The following ADAMTS12 variants were observed in gnomAD, a reference collection of about 807,000 sequenced individuals.
The protein encoded by ADAMTS12 is A disintegrin and metalloproteinase with thrombospondin motifs 12.
In ADAMTS12, 118 loss-of-function variants were observed where a neutral mutation model predicts 167.8. The observed-to-expected ratio is 0.70, with a 90% confidence interval of 0.61 to 0.82. The LOEUF (loss-of-function observed/expected upper bound fraction) is 0.82, where lower values mean the gene tolerates loss of function less well. Among genes scored for constraint, ADAMTS12 ranks in the 40% least tolerant of loss-of-function variants. The probability of loss-of-function intolerance (pLI) is 0.00; values close to 1 mark genes in which losing one functional copy is unlikely to be tolerated. For missense variants in ADAMTS12, 1,916 were observed against 1,998.8 expected (o/e 0.96, Z 0.79); for synonymous variants, 704 against 716.9 (o/e 0.98, Z 0.29).
chr5:33,640,340 T>G (rs757088325), intron 11 of ADAMTS12, among the ~76,000 whole-genome samples: 4 of 152,212 alleles, frequency 2.6e-5, no homozygotes, highest in Non-Finnish European at 5.9e-5. Context: ...AGGTTAGAGA[T>G]TCATCCTTCA....
chr5:33,570,226 G>A (rs1364896525), intron 19 of ADAMTS12, among the ~76,000 whole-genome samples: 2 of 152,074 alleles, frequency 1.3e-5, no homozygotes, highest in Non-Finnish European at 2.9e-5. Flanking sequence ...CCAACAATCA[G>A]ATTCAGGAAA....
intron 2 of ADAMTS12, among the ~76,000 whole-genome samples, chr5:33,779,805 A>C (rs1746054117): frequency 6.6e-6 from 1 of 152,168 alleles, no homozygotes. Flanking sequence ...GTTGTCACCA[A>C]AGGCTGGAGG....
At chr5:33,563,055 T>C (rs1032677559) in intron 19 of ADAMTS12, among the ~76,000 whole-genome samples, 2 of 152,210 alleles carry the variant, frequency 1.3e-5, no homozygotes, top group Non-Finnish European at 2.9e-5. Flanking sequence ...GTAGAAATTA[T>C]TTTCTACTAC....
rs924431025 is a variant in ADAMTS12, at chr5:33,571,384, A to G, written c.3972+4670T>C. The stretch of plus-strand genomic sequence containing the variant: ...CAGCAAATGTAAAAGAACAGAAATT[A>G]TAACAAACTGTCTCTCAGACCACAG... On this transcript the variant is annotated intron_variant, in intron 19 of 23. Coordinates refer to ENST00000504830, the MANE Select transcript of ADAMTS12 (RefSeq NM_030955.4). 3.9e-5 allele frequency among the ~76,000 whole-genome samples: 6 copies of G among 152,276 alleles called. No individual in the cohort carries two copies. The East Asian group carries it at 9.6e-4, about 24-fold the overall frequency.
At chr5:33,625,105 T>C (rs1407138776) in intron 13 of ADAMTS12, among the ~76,000 whole-genome samples, 4 of 152,166 alleles carry the variant, frequency 2.6e-5, no homozygotes, top group African/African-American at 4.8e-5. Flanking sequence ...CTCAGCCTTC[T>C]GAGTAGCTGG....
Position 33,646,727 on chromosome 5 carries a change from C to T in ADAMTS12, c.1479+2095G>A, listed in dbSNP as rs536437694. Among the ~76,000 whole-genome samples the T allele has an allele frequency of 8.0e-5, 9 of 112,452 alleles. No homozygotes were observed. The East Asian group carries it at 9.1e-4, about 11-fold the overall frequency. The allele number at this position is 112,452 out of a possible 152,430, so 73.8% of individuals were successfully genotyped here. A position where few individuals can be genotyped will look rare whatever the true frequency, so the allele number is the denominator to read the frequency against. On this transcript the variant is annotated intron_variant, in intron 9 of 23. Coordinates refer to ENST00000504830, the MANE Select transcript of ADAMTS12 (RefSeq NM_030955.4). Reference sequence around the variant, plus strand: ...GCAAAAATCACAAAACAAAATAACACGTAATATGTTAAAAAAACCCCAAAC... The same window carrying T: ...GCAAAAATCACAAAACAAAATAACATGTAATATGTTAAAAAAACCCCAAAC...
intron 5 of ADAMTS12, among the ~76,000 whole-genome samples, chr5:33,678,181 A>G (rs1741986763): frequency 6.6e-6 from 1 of 152,220 alleles, no homozygotes; most frequent in African/African-American, 2.4e-5. Context: ...GTTGGTTTGG[A>G]ATAATCTAGA....
chr5:33,779,611 A>G (rs1158188803), intron 2 of ADAMTS12, among the ~76,000 whole-genome samples: 2 of 152,246 alleles, frequency 1.3e-5, no homozygotes, highest in East Asian at 1.9e-4. Context: ...AATGTAGTGT[A>G]TATGTACAGC....
At chr5:33,531,877 G>A (rs560623327) in intron 23 of ADAMTS12, among the ~76,000 whole-genome samples, 1 of 152,150 alleles carries the variant, frequency 6.6e-6, no homozygotes, top group Non-Finnish European at 1.5e-5. Flanking sequence ...AAGGAAGAGT[G>A]GAGGATGAGA....
intron 16 of ADAMTS12, among the ~76,000 whole-genome samples, chr5:33,613,088 C>T (rs1738809178): frequency 6.6e-6 from 1 of 152,146 alleles, no homozygotes; most frequent in African/African-American, 2.4e-5. Context: ...GGAGAGTAGG[C>T]CATGGTCTTC....
chr5:33,571,872 G>A (rs1169409309), intron 19 of ADAMTS12, among the ~76,000 whole-genome samples: 1 of 152,022 alleles, frequency 6.6e-6, no homozygotes, highest in Non-Finnish European at 1.5e-5. Context: ...AAGAAAAAAA[G>A]AGAGAAGAAT....
chr5:33,539,981 G>A (rs1744607016), intron 22 of ADAMTS12, among the ~76,000 whole-genome samples: 1 of 152,202 alleles, frequency 6.6e-6, no homozygotes, highest in African/African-American at 2.4e-5. Context: ...CACCATGGAG[G>A]GCGAGCGGAA....
At chr5:33,734,888 CA>C (rs1744317581) in intron 3 of ADAMTS12, among the ~76,000 whole-genome samples, 1 of 152,198 alleles carries the variant, frequency 6.6e-6, no homozygotes, top group African/African-American at 2.4e-5. Context: ...CTTTGGCTCT[CA>C]AATTTCTAGA....
intron 2 of ADAMTS12, among the ~76,000 whole-genome samples, chr5:33,751,996 A>C (rs556755157): frequency 6.6e-6 from 1 of 152,362 alleles, no homozygotes; most frequent in Non-Finnish European, 1.5e-5. Context: ...ACATGTTCAC[A>C]CAACTGTGTG....
chr5:33,571,864 G>GA (rs1293761800), intron 19 of ADAMTS12, among the ~76,000 whole-genome samples: 1 of 151,334 alleles, frequency 6.6e-6, no homozygotes, highest in Non-Finnish European at 1.5e-5. Context: ...GACTAATAAA[G>GA]AAAAAAAGAG....
At chr5:33,711,176 T>C (rs1440249881) in intron 3 of ADAMTS12, among the ~76,000 whole-genome samples, 4 of 151,724 alleles carry the variant, frequency 2.6e-5, no homozygotes, top group Non-Finnish European at 5.9e-5. Flanking sequence ...ACCCAGAGAG[T>C]GACTGACTAA....
intron 3 of ADAMTS12, among the ~76,000 whole-genome samples, chr5:33,690,965 T>C (rs1561216820): frequency 6.6e-6 from 1 of 152,182 alleles, no homozygotes; most frequent in African/African-American, 2.4e-5. Context: ...GAGTGGATAA[T>C]GAGTCCCAGT....
intron 12 of ADAMTS12, 37 bp from the exon 13 acceptor site, chr5:33,630,950 GC>G (rs1423029502): frequency 6.2e-7 from 1 of 1,602,174 alleles, no homozygotes; most frequent in African/African-American, 1.3e-5. Flanking sequence ...TTGCAAATTA[GC>G]TTTTAGCTCA....
At chr5:33,745,471 G>T (rs1044854066) in intron 3 of ADAMTS12, among the ~76,000 whole-genome samples, 5 of 152,118 alleles carry the variant, frequency 3.3e-5, no homozygotes, top group Non-Finnish European at 7.4e-5. Flanking sequence ...TGTTCCAAAG[G>T]CACCCTCCCA....
Sources: gnomAD v4.1 joint callset for allele counts (sites outside exome capture counted in the v4.1 genomes callset) on GRCh38, gnomAD v4.1.1 for gene constraint, MANE v1.5 for transcripts, NCBI Gene and HGNC (gene_info 2026-07-23, HGNC 2026-07-21) for gene names.